MYO10: variants seen among roughly 807,000 people sequenced by gnomAD.
The protein encoded by MYO10 is unconventional myosin-X.
In MYO10, 133 loss-of-function variants were observed where a neutral mutation model predicts 257.3. That is an observed-to-expected ratio of 0.52 (90% CI 0.45 to 0.60). The LOEUF is 0.60. Ranked by LOEUF, MYO10 falls within the 20% of genes least tolerant of loss-of-function variation. The pLI is 0.00. For synonymous variants in MYO10, 1,104 were observed against 1,028.6 expected (o/e 1.07, Z -1.40); for missense variants, 2,399 against 2,635.7 (o/e 0.91, Z 1.97).
intron 19 of MYO10, among the ~76,000 whole-genome samples, chr5:16,732,840 C>T (rs567954919): frequency 6.6e-6 from 1 of 152,182 alleles, no homozygotes; most frequent in South Asian, 2.1e-4. Flanking sequence ...GCTGCATTAA[C>T]GGTATTGTAA....
At chr5:16,720,006 GTGTGTGTGTGTGTGTGTA>G (rs1739082902) in intron 19 of MYO10, among the ~76,000 whole-genome samples, 1 of 149,912 alleles carries the variant, frequency 6.7e-6, no homozygotes, top group Non-Finnish European at 1.5e-5. Flanking sequence ...GTGTGTGTGT[GTGTGTGTGTGTGTGTGTA>G]TATGTATGTA....
chr5:16,847,875 C>T (rs1003282748), intron 2 of MYO10, among the ~76,000 whole-genome samples: 1 of 152,030 alleles, frequency 6.6e-6, no homozygotes, highest in Admixed American at 6.6e-5. Context: ...CCAGTCTGGG[C>T]AACATAGCAA....
chr5:16,683,815 C>T, intron 30 of MYO10, 65 bp downstream of exon 30: 1 of 1,533,436 alleles, frequency 6.5e-7, no homozygotes, highest in Non-Finnish European at 9.0e-7. Flanking sequence ...GACCCAGCAG[C>T]ACAGACACCT....
At chr5:16,902,519 A>T in intron 1 of MYO10, 1 of 1,578,480 alleles carries the variant, frequency 6.3e-7, no homozygotes, top group Non-Finnish European at 8.6e-7. Flanking sequence ...CTATGTTTCG[A>T]ATGACGAATT....
At chr5:16,696,643 G>A (rs1419903819) in intron 26 of MYO10, among the ~76,000 whole-genome samples, 5 of 123,908 alleles carry the variant, frequency 4.0e-5, no homozygotes, top group Non-Finnish European at 6.9e-5. Flanking sequence ...GGATCACAAG[G>A]TCAAGAGTTC....
In MYO10 at chr5:16,759,906, G is replaced by A. The variant is rs915837611; in HGVS notation, c.1739+1558C>T. On this transcript the variant is annotated intron_variant, in intron 17 of 40. Transcript: ENST00000513610. The stretch of plus-strand genomic sequence containing the variant: ...TTGAAGATCAAATGTTTCAAATTCT[G>A]AGTTTCTAGGCTGATACTACCTTAT... Among the ~76,000 whole-genome samples the A allele has an allele frequency of 1.2e-4, 19 of 152,196 alleles. 1 individual carries two copies. Among genetic ancestry groups the A allele is most frequent in the African/African-American group, 3.4e-4 (14 of 41,520 alleles).
chr5:16,671,861 T>C (rs1265866463), intron 37 of MYO10, among the ~76,000 whole-genome samples: 1 of 152,230 alleles, frequency 6.6e-6, no homozygotes, highest in Admixed American at 6.5e-5. Context: ...CCTGTTTCTT[T>C]ATTACCTTTA....
chr5:16,831,091 C>A (rs1323488403), intron 2 of MYO10, among the ~76,000 whole-genome samples: 1 of 152,106 alleles, frequency 6.6e-6, no homozygotes, highest in Non-Finnish European at 1.5e-5. Flanking sequence ...AAAGATGATA[C>A]ACAAATGGCC....
At chr5:16,742,859 G>A (rs1484214630) in intron 19 of MYO10, among the ~76,000 whole-genome samples, 1 of 151,656 alleles carries the variant, frequency 6.6e-6, no homozygotes, top group Non-Finnish European at 1.5e-5. Flanking sequence ...GATGGCTCAC[G>A]CCTGTAATCC....
chr5:16,801,057 G>A (rs550721981), intron 3 of MYO10, among the ~76,000 whole-genome samples: 41 of 152,120 alleles, frequency 2.7e-4, no homozygotes, highest in African/African-American at 9.9e-4. Flanking sequence ...GATGTGTGAC[G>A]ATCTTTCATG....
chr5:16,715,467 A>G (rs1371759731), intron 19 of MYO10, among the ~76,000 whole-genome samples: 1 of 129,782 alleles, frequency 7.7e-6, no homozygotes, highest in Non-Finnish European at 1.6e-5. Flanking sequence ...CACCTGGCTA[A>G]TTTTGTATTT....
Position 16,664,379 on chromosome 5 carries a change from AGAC to A in MYO10, c.*2310_*2312del, listed in dbSNP as rs1473925126. On this transcript the variant is annotated 3_prime_UTR_variant, in exon 41 of 41. Transcript: ENST00000513610. ...TCCTGAGAGGTGAGCAGTAGAAAGA[AGAC>A]TTCTGTCAAATTCTTTCTGAGCCTA... is the stretch of plus-strand genomic sequence containing the variant. The A allele has an allele frequency of 6.6e-6, 1 of 152,220 alleles. No homozygotes were observed. The allele number at this position is 152,220 out of a possible 1,614,324, so 9.4% of individuals were successfully genotyped here.
chr5:16,850,337 G>A (rs909354271), intron 2 of MYO10, among the ~76,000 whole-genome samples: 7 of 152,048 alleles, frequency 4.6e-5, no homozygotes, highest in Non-Finnish European at 2.9e-5. Flanking sequence ...GCAGTGGCAC[G>A]ATCGCAGCTC....
At chr5:16,766,756 T>C (rs550638821) in intron 10 of MYO10, among the ~76,000 whole-genome samples, 17 of 149,004 alleles carry the variant, frequency 1.1e-4, no homozygotes, top group Admixed American at 3.4e-4. Flanking sequence ...TGAGCCACCA[T>C]GCCCACCTAC....
At chr5:16,794,958 C>T in intron 3 of MYO10, 125 bp from the exon 4 acceptor site, 3 of 670,202 alleles carry the variant, frequency 4.5e-6, no homozygotes, top group Non-Finnish European at 6.7e-6. Context: ...TGCACACTGT[C>T]CCTGCCTTTC....
intron 1 of MYO10, among the ~76,000 whole-genome samples, chr5:16,896,246 C>T (rs1349021189): frequency 6.6e-6 from 1 of 151,964 alleles, no homozygotes; most frequent in Non-Finnish European, 1.5e-5. Context: ...ATTGCTTAAA[C>T]CCAGGAATTC....
rs538235607 is a variant in MYO10 at position 16,731,688 on chromosome 5, T to G, written c.1930-20443A>C. On this transcript the variant is annotated intron_variant, in intron 19 of 40. Transcript: ENST00000513610. Reference sequence around the variant, plus strand: ...GATATTGTCCAGCAACCCTGTGGAATTGGAGACAGAGAGGAAAGCGTGGAC... The same window carrying G: ...GATATTGTCCAGCAACCCTGTGGAAGTGGAGACAGAGAGGAAAGCGTGGAC... Among the ~76,000 whole-genome samples the G allele has an allele frequency of 3.3e-5, 5 of 152,264 alleles. No homozygotes were observed. The East Asian group carries it at 7.7e-4, about 24-fold the overall frequency.
rs1475294018 is a variant in MYO10 at position 16,666,404 on chromosome 5, G to A, written c.*288C>T. 1.2e-5 allele frequency: 4 copies of A among 340,368 alleles called. No individual in the cohort carries two copies. Among genetic ancestry groups the A allele is most frequent in the East Asian group, 4.9e-5 (1 of 20,320 alleles). 21.1% of individuals were successfully genotyped at this position (340,368 alleles called of 1,614,324 possible). A position where few individuals can be genotyped will look rare whatever the true frequency, so the allele number is the denominator to read the frequency against. ...TGGTTCCACAAGTTAAGGCACTTCCGGCTGCTTTGGTGGCAGCGTGGTTCC... is the reference window on the plus strand; with the variant it reads ...TGGTTCCACAAGTTAAGGCACTTCCAGCTGCTTTGGTGGCAGCGTGGTTCC... On this transcript the variant is annotated 3_prime_UTR_variant, in exon 41 of 41. Transcript: ENST00000513610.
At chr5:16,882,877 T>C (rs1744793515) in intron 1 of MYO10, among the ~76,000 whole-genome samples, 1 of 152,050 alleles carries the variant, frequency 6.6e-6, no homozygotes, top group African/African-American at 2.4e-5. Context: ...TGAATTTCTC[T>C]CTATGGAATT....
Sources: allele counts gnomAD v4.1 joint callset (sites outside exome capture counted in the v4.1 genomes callset), GRCh38; gene constraint gnomAD v4.1.1; transcripts MANE v1.5; gene names NCBI Gene and HGNC (gene_info 2026-07-23, HGNC 2026-07-21).